FLYWCH2: variants seen among roughly 807,000 people sequenced by gnomAD.
FLYWCH2 encodes FLYWCH family member 2.
Under a neutral mutation model 6.0 loss-of-function variants are expected in FLYWCH2, and 2 were observed. The observed-to-expected ratio is 0.33, with a 90% confidence interval of 0.14 to 1.04. The LOEUF (loss-of-function observed/expected upper bound fraction) is 1.04, where lower values mean the gene tolerates loss of function less well. Among genes scored for constraint, FLYWCH2 ranks in the 50% least tolerant of loss-of-function variants. The pLI is 0.45. For synonymous variants in FLYWCH2, 87 were observed against 79.3 expected (o/e 1.10, Z -0.52); for missense variants, 192 against 183.4 (o/e 1.05, Z -0.27).
chr16:2,884,016 T>C (rs1334891556), intron 1 of FLYWCH2, among the ~76,000 whole-genome samples: 3 of 152,096 alleles, frequency 2.0e-5, no homozygotes, highest in African/African-American at 7.2e-5. Flanking sequence ...TTTTTAAATC[T>C]CCCTGTGAGG....
intron 2 of FLYWCH2, 55 bp from the exon 3 acceptor site, chr16:2,896,297 G>T (rs935833973): frequency 4.6e-5 from 46 of 1,008,910 alleles, no homozygotes; most frequent in Non-Finnish European, 6.3e-5. Flanking sequence ...CCAGATCCAC[G>T]TCTAGAGCCT....
chr16:2,898,010 C>G (rs915537386), intron 3 of FLYWCH2, among the ~76,000 whole-genome samples: 1 of 152,142 alleles, frequency 6.6e-6, no homozygotes, highest in Non-Finnish European at 1.5e-5. Context: ...TGGGGTCAGC[C>G]AGGGCACTCA....
rs1029712101 is a variant in FLYWCH2, at chr16:2,883,230, C to T, written c.-336C>T. The T allele has an allele frequency of 1.3e-5, 2 of 152,296 alleles. No individual in the cohort carries two copies. The highest frequency in any genetic ancestry group is 2.1e-4 in the South Asian group (1 of 4,840). 9.4% of individuals were successfully genotyped at this position (152,296 alleles called of 1,614,324 possible). On this transcript the variant is annotated 5_prime_UTR_variant, in exon 1 of 4. Coordinates refer to ENST00000396958, the MANE Select transcript of FLYWCH2 (RefSeq NM_138439.3). ...GGCCCCAGCCAGAAGACAGGGCACC[C>T]GCGGCCTTGCTGCGCATGCTCGCGC...
intron 3 of FLYWCH2, among the ~76,000 whole-genome samples, chr16:2,897,975 G>A (rs1278940266): frequency 6.6e-6 from 1 of 152,038 alleles, no homozygotes; most frequent in African/African-American, 2.4e-5. Flanking sequence ...TGGTCCCCTG[G>A]GGTCAGCCAG....
rs1317315836 is a variant in FLYWCH2, at chr16:2,884,558, T to TAAA, written c.-200+1209_-200+1211dup. Among the ~76,000 whole-genome samples the TAAA allele has an allele frequency of 4.3e-4, 17 of 39,288 alleles. 1 individual carries two copies. Among genetic ancestry groups the TAAA allele is most frequent in the Admixed American group, 1.0e-3 (3 of 2,892 alleles). 25.8% of individuals were successfully genotyped at this position (39,288 alleles called of 152,430 possible). The stretch of plus-strand genomic sequence containing the variant: ...TAACATGGTGAAACCCCGTCTCTAC[T>TAAA]AAAAAAAAAAAAAAAAAAATACAAA... On this transcript the variant is annotated intron_variant, in intron 1 of 3. Coordinates refer to ENST00000396958, the MANE Select transcript of FLYWCH2 (RefSeq NM_138439.3).
intron 1 of FLYWCH2, among the ~76,000 whole-genome samples, chr16:2,891,909 A>T (rs906636042): frequency 6.6e-6 from 1 of 151,286 alleles, no homozygotes; most frequent in Non-Finnish European, 1.5e-5. Context: ...CAAGGAAACA[A>T]TGCCAGGCAC....
chr16:2,884,015 C>T (rs2069669328), intron 1 of FLYWCH2, among the ~76,000 whole-genome samples: 1 of 152,140 alleles, frequency 6.6e-6, no homozygotes, highest in African/African-American at 2.4e-5. Flanking sequence ...TTTTTTAAAT[C>T]TCCCTGTGAG....
intron 3 of FLYWCH2, 122 bp from the exon 4 acceptor site, chr16:2,898,927 G>A: frequency 1.5e-6 from 1 of 667,174 alleles, no homozygotes; most frequent in Non-Finnish European, 2.4e-6. Context: ...GTCAGGCAGA[G>A]GCTTCTGGCC....
chr16:2,883,535 C>T (rs999326663), intron 1 of FLYWCH2, among the ~76,000 whole-genome samples, 169 bp downstream of exon 1: 4 of 152,148 alleles, frequency 2.6e-5, no homozygotes, highest in African/African-American at 7.2e-5. Flanking sequence ...CTTTGCCTCT[C>T]GCCCCTCCTT....
intron 1 of FLYWCH2, among the ~76,000 whole-genome samples, chr16:2,887,813 T>G (rs957495662): frequency 2.6e-5 from 4 of 151,808 alleles, no homozygotes; most frequent in African/African-American, 7.3e-5. Flanking sequence ...GCGATCCTCC[T>G]ACATCACCCT....
chr16:2,884,337 AC>A (rs1016926277), intron 1 of FLYWCH2, among the ~76,000 whole-genome samples: 1 of 151,998 alleles, frequency 6.6e-6, no homozygotes, highest in Non-Finnish European at 1.5e-5. Flanking sequence ...ACCATGAGGC[AC>A]CAGGCAGGGG....
chr16:2,889,057 A>G (rs1473899821), intron 1 of FLYWCH2, among the ~76,000 whole-genome samples: 1 of 151,992 alleles, frequency 6.6e-6, no homozygotes, highest in Non-Finnish European at 1.5e-5. Flanking sequence ...CAGAACGCAT[A>G]AAAATGATTC....
At chr16:2,893,889 C>T (rs1256914762) in intron 1 of FLYWCH2, among the ~76,000 whole-genome samples, 11 of 151,946 alleles carry the variant, frequency 7.2e-5, no homozygotes, top group Admixed American at 5.9e-4. Flanking sequence ...CCGCCCGCCT[C>T]GGCCTCCCAA....
At chr16:2,896,826 C>A (rs1167841380) in intron 3 of FLYWCH2, 55 bp downstream of exon 3, 1 of 1,498,386 alleles carries the variant, frequency 6.7e-7, no homozygotes, top group Non-Finnish European at 9.0e-7. Flanking sequence ...GGGTGGCCCC[C>A]ACAGCCGCGC....
chr16:2,895,863 T>C (rs537702217), intron 2 of FLYWCH2, among the ~76,000 whole-genome samples: 1 of 152,334 alleles, frequency 6.6e-6, no homozygotes, highest in South Asian at 2.1e-4. Context: ...GTACACCAGA[T>C]GCTGTGTGGT....
At chr16:2,898,125 G>T (rs1420176807) in intron 3 of FLYWCH2, among the ~76,000 whole-genome samples, 3 of 152,138 alleles carry the variant, frequency 2.0e-5, no homozygotes, top group Non-Finnish European at 4.4e-5. Context: ...GGTCACAGAG[G>T]GTCACAGCCC....
chr16:2,885,977 C>T (rs1266423476), intron 1 of FLYWCH2, among the ~76,000 whole-genome samples: 2 of 152,162 alleles, frequency 1.3e-5, no homozygotes, highest in East Asian at 1.9e-4. Flanking sequence ...AGTTTCTCCT[C>T]ATCCTCACCA....
Position 2,896,411 on chromosome 16 carries a change from G to A in FLYWCH2, c.-39G>A, listed in dbSNP as rs1596339436. ...GAGTAGGAGAAATCCACCTGCTGGG[G>A]GCTGAGTGTGGCCTGAGGGACAGGC... On this transcript the variant is annotated 5_prime_UTR_variant, in exon 3 of 4. Transcript: ENST00000396958. The A allele has an allele frequency of 6.4e-7, 1 of 1,568,078 alleles. No homozygotes were observed. Among genetic ancestry groups the A allele is most frequent in the Non-Finnish European group, 8.6e-7 (1 of 1,159,408 alleles).
chr16:2,898,427 G>T (rs1263062679), intron 3 of FLYWCH2, among the ~76,000 whole-genome samples: 2 of 152,198 alleles, frequency 1.3e-5, no homozygotes, highest in African/African-American at 4.8e-5. Flanking sequence ...AGTCCCCATG[G>T]CCTGTGGGAG....
Sources: allele counts gnomAD v4.1 joint callset (sites outside exome capture counted in the v4.1 genomes callset), GRCh38; gene constraint gnomAD v4.1.1; transcripts MANE v1.5; gene names NCBI Gene and HGNC (gene_info 2026-07-23, HGNC 2026-07-21).